PCDHA7: variants seen among roughly 807,000 people sequenced by gnomAD.
PCDHA7 encodes protocadherin alpha-7.
PCDHA7 carries 37 observed loss-of-function variants against 57.2 expected under a neutral mutation model. The observed-to-expected ratio is 0.65, with a 90% CI of 0.50 to 0.85. PCDHA7 has a LOEUF of 0.85. PCDHA7 is among the 40% of genes least tolerant of loss of function. The probability of loss-of-function intolerance (pLI) is 0.00; values close to 1 mark genes in which losing one functional copy is unlikely to be tolerated. For missense variants in PCDHA7, 1,188 were observed against 1,241.8 expected (o/e 0.96, Z 0.65); for synonymous variants, 553 against 558.8 (o/e 0.99, Z 0.15).
rs1165097192 is a variant in PCDHA7, at chr5:140,945,230, A to G, written c.2356-33719A>G. Among the ~76,000 whole-genome samples the G allele has an allele frequency of 2.6e-5, 4 of 152,290 alleles. No individual in the cohort carries two copies. In the East Asian group the frequency reaches 7.7e-4, roughly 29 times the overall value. On this transcript the variant is annotated intron_variant, in intron 1 of 3. Transcript: ENST00000525929. ...TATGAGAAAATAAAAATACTTAGGA[A>G]TAAATTTAACCAAGAGGATGAAAGA...
In PCDHA7 at chr5:140,843,809, A is replaced by G; in HGVS notation, c.2355+7071A>G. 2.3e-6 allele frequency: 3 copies of G among 1,286,100 alleles called. 1 individual carries two copies. Among genetic ancestry groups the G allele is most frequent in the Non-Finnish European group, 3.2e-6 (3 of 925,236 alleles). 79.7% of individuals were successfully genotyped at this position (1,286,100 alleles called of 1,614,324 possible). A position where few individuals can be genotyped will look rare whatever the true frequency, so the allele number is the denominator to read the frequency against. On this transcript the variant is annotated intron_variant, in intron 1 of 3. Coordinates refer to ENST00000525929, the MANE Select transcript of PCDHA7 (RefSeq NM_018910.3). ...CAGATTTAGTTTTTCACCGTATTTTATAGTGAAAATTTAAACATTGTTTAG... is the reference window on the plus strand; with the variant it reads ...CAGATTTAGTTTTTCACCGTATTTTGTAGTGAAAATTTAAACATTGTTTAG...
chr5:140,867,991 T>G (rs1379820729), intron 1 of PCDHA7: 8 of 152,164 alleles, frequency 5.3e-5, no homozygotes, highest in Non-Finnish European at 8.8e-5. Flanking sequence ...ACTATTTTCA[T>G]GAATATAACT....
chr5:140,926,798 C>T (rs1584463033), intron 1 of PCDHA7: 2 of 1,455,342 alleles, frequency 1.4e-6, no homozygotes, highest in East Asian at 2.5e-5. Context: ...GGAGCGTGCT[C>T]TTCCCCGCGG....
rs965761415 is a variant in PCDHA7, at chr5:140,845,214, T to C, written c.2355+8476T>C. 9.4e-5 allele frequency among the ~76,000 whole-genome samples: 14 copies of C among 149,518 alleles called. 1 individual carries two copies. The highest frequency in any genetic ancestry group is 1.3e-4 in the Non-Finnish European group (9 of 66,830). On this transcript the variant is annotated intron_variant, in intron 1 of 3. Coordinates refer to ENST00000525929, the MANE Select transcript of PCDHA7 (RefSeq NM_018910.3). ...ATGATTGTTTTCATTTAAGTCCTTT[T>C]AAAAAATATGATTATCTTTATTATC... is the stretch of plus-strand genomic sequence containing the variant.
intron 1 of PCDHA7, among the ~76,000 whole-genome samples, chr5:140,963,188 G>A (rs1333064851): frequency 6.6e-6 from 1 of 151,712 alleles, no homozygotes; most frequent in African/African-American, 2.4e-5. Context: ...GCTGTAGACT[G>A]TGAAAATGAA....
Position 140,856,078 on chromosome 5 carries a change from C to T in PCDHA7, c.2355+19340C>T, listed in dbSNP as rs145849392. On this transcript the variant is annotated intron_variant, in intron 1 of 3. Transcript: ENST00000525929. The stretch of plus-strand genomic sequence containing the variant: ...TTTCCAGATGTAGCTGCCTGGGGGT[C>T]CAGTGTCTGCTGCTCTCGCTTCTTC... 1.4e-3 allele frequency: 2,214 copies of T among 1,594,016 alleles called. 201 individuals are homozygous for T. The highest frequency in any genetic ancestry group is 4.0e-3 in the Admixed American group (234 of 58,882).
chr5:140,900,416 T>G (rs1303205296), intron 1 of PCDHA7, among the ~76,000 whole-genome samples: 8 of 152,220 alleles, frequency 5.3e-5, no homozygotes, highest in Admixed American at 5.2e-4. Flanking sequence ...TAGCTGGGAT[T>G]ATAGGCACGT....
chr5:140,944,744 A>G (rs1408016136), intron 1 of PCDHA7, among the ~76,000 whole-genome samples: 2 of 152,204 alleles, frequency 1.3e-5, no homozygotes, highest in East Asian at 3.8e-4. Context: ...CTGAGCATTT[A>G]CATGGAAAAA....
chr5:140,854,133 G>A (rs1220974907), intron 1 of PCDHA7: 1 of 410,736 alleles, frequency 2.4e-6, no homozygotes, highest in Non-Finnish European at 3.2e-6. Flanking sequence ...CTGCATTTCA[G>A]CCCGGGTGAC....
At chr5:140,882,855 T>C in intron 1 of PCDHA7, 1 of 1,614,230 alleles carries the variant, frequency 6.2e-7, no homozygotes, top group Non-Finnish European at 8.5e-7. Context: ...TCACTTGTAC[T>C]GAGGAAAACA....
At chr5:140,843,345 C>T (rs2150357960) in intron 1 of PCDHA7, 12 of 1,595,968 alleles carry the variant, frequency 7.5e-6, no homozygotes, top group African/African-American at 5.4e-5. Flanking sequence ...AGCGGCCAGG[C>T]TCCAAAAGCG....
rs1312920640 is a variant in PCDHA7, at chr5:140,836,835, CT to C, written c.2355+100del. ...TCATAATTTCTTTTTTAGTTGATAG[CT>C]TTATGTATAATTATTATTTTTTAAT... is the stretch of plus-strand genomic sequence containing the variant. On this transcript the variant is annotated intron_variant, in intron 1 of 3. Transcript: ENST00000525929. 2.4e-5 allele frequency: 21 copies of C among 878,886 alleles called. No individual in the cohort carries two copies. The African/African-American group carries it at 3.6e-4, about 15-fold the overall frequency. The allele number at this position is 878,886 out of a possible 1,614,324, so 54.4% of individuals were successfully genotyped here. A position where few individuals can be genotyped will look rare whatever the true frequency, so the allele number is the denominator to read the frequency against.
intron 3 of PCDHA7, among the ~76,000 whole-genome samples, chr5:141,000,413 A>AT (rs2097920175): frequency 1.1e-5 from 1 of 93,256 alleles, no homozygotes; most frequent in African/African-American, 4.5e-5. Context: ...ATATATATAT[A>AT]TATATATATT....
intron 1 of PCDHA7, chr5:140,929,001 G>A (rs782325865): frequency 6.2e-7 from 1 of 1,613,996 alleles, no homozygotes; most frequent in East Asian, 2.2e-5. Context: ...TTTTCTTCGT[G>A]TGTACCAAGT....
intron 1 of PCDHA7, chr5:140,867,456 T>C (rs1035822606): frequency 1.3e-5 from 2 of 152,154 alleles, no homozygotes; most frequent in African/African-American, 4.8e-5. Context: ...AGAGTTCTAG[T>C]GTTATGACAA....
chr5:140,917,724 G>C (rs2078325058), intron 1 of PCDHA7, among the ~76,000 whole-genome samples: 1 of 152,080 alleles, frequency 6.6e-6, no homozygotes, highest in East Asian at 1.9e-4. Flanking sequence ...CTTTATTTCT[G>C]GGTTCTCTAA....
At chr5:140,875,667 G>T in intron 1 of PCDHA7, 1 of 1,613,820 alleles carries the variant, frequency 6.2e-7, no homozygotes, top group Non-Finnish European at 8.5e-7. Flanking sequence ...GCCTGTTCCG[G>T]GTGGCGTCCA....
intron 1 of PCDHA7, among the ~76,000 whole-genome samples, chr5:140,916,610 A>G (rs1002556327): frequency 6.6e-6 from 1 of 152,196 alleles, no homozygotes; most frequent in Non-Finnish European, 1.5e-5. Flanking sequence ...TGCGGGCCTC[A>G]TGACTCTACT....
At chr5:140,850,765 G>A (rs2150497510) in intron 1 of PCDHA7, 1 of 1,598,120 alleles carries the variant, frequency 6.3e-7, no homozygotes, top group Admixed American at 1.7e-5. Flanking sequence ...AGGAGGCAGA[G>A]GGTGTGCTCT....
Sources: gnomAD v4.1 joint callset for allele counts (sites outside exome capture counted in the v4.1 genomes callset) on GRCh38, gnomAD v4.1.1 for gene constraint, MANE v1.5 for transcripts, NCBI Gene and HGNC (gene_info 2026-07-23, HGNC 2026-07-21) for gene names.